Variants in ZFHX3 observed in about 807,000 individuals in gnomAD.
The protein encoded by ZFHX3 is zinc finger homeobox protein 3.
Under a neutral mutation model 279.1 loss-of-function variants are expected in ZFHX3, and 42 were observed. That is an observed-to-expected ratio of 0.15 (90% CI 0.12 to 0.19). The LOEUF is 0.19. Ranked by LOEUF, ZFHX3 falls within the 10% of genes least tolerant of loss-of-function variation. ZFHX3 has a pLI of 1.00. For synonymous variants in ZFHX3, 2,293 were observed against 1,957.8 expected, an observed-to-expected ratio of 1.17 and a Z score of -4.52; for missense variants, 4,981 against 4,754.0, an observed-to-expected ratio of 1.05 and a Z score of -1.40.
intron 2 of ZFHX3, among the ~76,000 whole-genome samples, chr16:73,468,461 C>A (rs550712374): frequency 6.6e-6 from 1 of 152,126 alleles, no homozygotes; most frequent in Non-Finnish European, 1.5e-5. Context: ...ATTAGCTAGG[C>A]GTGGTGGCTC....
In ZFHX3 at chr16:73,858,261, C is replaced by A. The variant is rs1961790872; in HGVS notation, c.-1608+33390G>T. 2.6e-5 allele frequency among the ~76,000 whole-genome samples: 4 copies of A among 152,206 alleles called. No individual in the cohort carries two copies. The South Asian group carries it at 8.3e-4, about 32-fold the overall frequency. ...TCTAGTAAACAGTGATATTACAAGA[C>A]TGAGAATCATAAATAAAATAGAAAC... On this transcript the variant is annotated intron_variant, in intron 1 of 17. Coordinates refer to the ZFHX3 transcript ENST00000641206.
chr16:73,852,992 A>G (rs534229124), intron 1 of ZFHX3, among the ~76,000 whole-genome samples: 2 of 152,134 alleles, frequency 1.3e-5, no homozygotes, highest in African/African-American at 4.8e-5. Flanking sequence ...AAACAAACAA[A>G]CAAACATGAA....
intron 2 of ZFHX3, among the ~76,000 whole-genome samples, chr16:73,642,396 T>C (rs2052581812): frequency 6.6e-6 from 1 of 152,198 alleles, no homozygotes; most frequent in Non-Finnish European, 1.5e-5. Flanking sequence ...CTCTTTTTAC[T>C]TCTGTCATAT....
At chr16:73,510,476 C>T (rs1164929933) in intron 2 of ZFHX3, among the ~76,000 whole-genome samples, 1 of 152,198 alleles carries the variant, frequency 6.6e-6, no homozygotes, top group Non-Finnish European at 1.5e-5. Flanking sequence ...AATCAAATCA[C>T]ATATCCTAAT....
At chr16:73,886,523 T>C (rs1597158719) in intron 1 of ZFHX3, among the ~76,000 whole-genome samples, 1 of 152,192 alleles carries the variant, frequency 6.6e-6, no homozygotes, top group Non-Finnish European at 1.5e-5. Context: ...TTATGCCTCA[T>C]CCATCATGCC....
At chr16:73,495,294 A>G (rs983344255) in intron 2 of ZFHX3, among the ~76,000 whole-genome samples, 2 of 150,428 alleles carry the variant, frequency 1.3e-5, no homozygotes, top group African/African-American at 4.8e-5. Flanking sequence ...TCGGAGGTGA[A>G]TTCCATTTTA....
At chr16:73,424,877 G>A (rs2017784699) in intron 3 of ZFHX3, among the ~76,000 whole-genome samples, 1 of 151,698 alleles carries the variant, frequency 6.6e-6, no homozygotes. Flanking sequence ...AAGCAAAAGA[G>A]TTCGTTATTC....
intron 2 of ZFHX3, among the ~76,000 whole-genome samples, chr16:73,541,105 C>A (rs975946680): frequency 3.3e-5 from 5 of 152,324 alleles, no homozygotes; most frequent in African/African-American, 4.8e-5. Flanking sequence ...CGTCCATCTG[C>A]AGCCTGGAGC....
intron 3 of ZFHX3, among the ~76,000 whole-genome samples, chr16:73,366,699 AG>A (rs2016537293): frequency 6.6e-6 from 1 of 151,978 alleles, no homozygotes; most frequent in African/African-American, 2.4e-5. Context: ...TGTTGGCAAA[AG>A]TATGTGTGTG....
chr16:73,629,116 G>A (rs1382937565), intron 2 of ZFHX3, among the ~76,000 whole-genome samples: 2 of 152,164 alleles, frequency 1.3e-5, no homozygotes, highest in Non-Finnish European at 2.9e-5. Flanking sequence ...CTATAAATCT[G>A]TATCAATAGC....
At chr16:73,336,686 G>A (rs754000329) in intron 3 of ZFHX3, among the ~76,000 whole-genome samples, 8 of 151,890 alleles carry the variant, frequency 5.3e-5, no homozygotes, top group African/African-American at 9.7e-5. Flanking sequence ...GAATAGTTCC[G>A]CGATGAATAT....
intron 1 of ZFHX3, among the ~76,000 whole-genome samples, chr16:73,692,393 G>A (rs147909796): frequency 3.0e-4 from 46 of 152,204 alleles, no homozygotes; most frequent in South Asian, 8.3e-4. Flanking sequence ...TTATATAAAC[G>A]AATACACCCA....
chr16:72,813,681 G>A (rs940440781), intron 5 of ZFHX3, among the ~76,000 whole-genome samples: 62 of 152,066 alleles, frequency 4.1e-4, no homozygotes, highest in Admixed American at 4.1e-3. Context: ...AATCTGTCTC[G>A]AATCGACTTC....
intron 2 of ZFHX3, chr16:73,487,622 G>C (rs1222531822): frequency 7.3e-6 from 2 of 273,668 alleles, no homozygotes; most frequent in Non-Finnish European, 7.3e-6. Context: ...GCCCAGGCTA[G>C]TCTTCAACTC....
intron 4 of ZFHX3, among the ~76,000 whole-genome samples, chr16:72,886,350 G>T (rs1043814014): frequency 6.6e-6 from 1 of 151,806 alleles, no homozygotes; most frequent in Non-Finnish European, 1.5e-5. Context: ...CATACGGAAG[G>T]GAAGTCTATC....
intron 3 of ZFHX3, among the ~76,000 whole-genome samples, chr16:73,356,836 G>C (rs1741161016): frequency 6.6e-6 from 1 of 150,462 alleles, no homozygotes; most frequent in Non-Finnish European, 1.5e-5. Flanking sequence ...CTCACCTGAG[G>C]GCTTTTTTTT....
In ZFHX3 at chr16:73,423,880, T is replaced by C. The variant is rs565808455; in HGVS notation, c.-1291+32123A>G. 4.5e-3 allele frequency among the ~76,000 whole-genome samples: 625 copies of C among 137,532 alleles called. 4 individuals carry two copies. Among genetic ancestry groups the C allele is most frequent in the African/African-American group, 0.016 (581 of 36,618 alleles). 90.2% of individuals were successfully genotyped at this position (137,532 alleles called of 152,430 possible). ...CCATCTCAAAAAAAAAAAAAAAAAG[T>C]GAGAGAGATCTAGAAATTGATGCTT... On this transcript the variant is annotated intron_variant, in intron 3 of 17. Transcript: ENST00000641206.
intron 3 of ZFHX3, among the ~76,000 whole-genome samples, chr16:73,438,515 T>C (rs1193804576): frequency 6.6e-6 from 1 of 152,224 alleles, no homozygotes; most frequent in African/African-American, 2.4e-5. Flanking sequence ...CAAATGTATT[T>C]TGAACTGTAA....
At chr16:73,494,683 C>T (rs1468657609) in intron 2 of ZFHX3, among the ~76,000 whole-genome samples, 1 of 152,004 alleles carries the variant, frequency 6.6e-6, no homozygotes, top group Non-Finnish European at 1.5e-5. Context: ...CCTCAGCCTC[C>T]AGAGTAGCTG....
Sources: allele counts gnomAD v4.1 joint callset (sites outside exome capture counted in the v4.1 genomes callset), GRCh38; gene constraint gnomAD v4.1.1; transcripts MANE v1.5; gene names NCBI Gene and HGNC (gene_info 2026-07-23, HGNC 2026-07-21).